The following ZFAT variants were observed in gnomAD, a reference collection of about 807,000 sequenced individuals.
ZFAT encodes zinc finger and AT-hook domain containing.
In ZFAT, 64 loss-of-function variants were observed where a neutral mutation model predicts 117.7. That is an observed-to-expected ratio of 0.54 (90% CI 0.44 to 0.67). The LOEUF is 0.67. Ranked by LOEUF, ZFAT falls within the 30% of genes least tolerant of loss-of-function variation. ZFAT has a pLI of 0.00. For synonymous variants in ZFAT, 679 were observed against 615.0 expected (o/e 1.10, Z -1.54); for missense variants, 1,433 against 1,584.5 (o/e 0.90, Z 1.62).
intron 10 of ZFAT, 184 bp from the exon 11 acceptor site, chr8:134,565,605 AGTG>A: frequency 5.7e-6 from 4 of 707,392 alleles, no homozygotes; most frequent in Non-Finnish European, 1.0e-5. Context: ...AACAGGTGGG[AGTG>A]GAGAGGCACT....
chr8:134,486,920 G>A (rs1817694275), intron 15 of ZFAT, among the ~76,000 whole-genome samples: 1 of 152,154 alleles, frequency 6.6e-6, no homozygotes, highest in Non-Finnish European at 1.5e-5. Context: ...GCAGGAACAT[G>A]GGTGTGCATG....
chr8:134,774,346 T>G, the ZFAT span, among the ~76,000 whole-genome samples: 1 of 152,138 alleles, frequency 6.6e-6, no homozygotes, highest in Non-Finnish European at 1.5e-5. Flanking sequence ...TGGTATCGAG[T>G]GGCATCCTAA....
At chr8:134,699,436 CTG>C (rs1408683181) in intron 1 of ZFAT, among the ~76,000 whole-genome samples, 1 of 152,156 alleles carries the variant, frequency 6.6e-6, no homozygotes. Flanking sequence ...GGAGTGGACT[CTG>C]TGCCATGACT....
chr8:134,787,110 G>A, the ZFAT span, among the ~76,000 whole-genome samples: 1 of 152,206 alleles, frequency 6.6e-6, no homozygotes, highest in East Asian at 1.9e-4. Flanking sequence ...CAGCCTCCCA[G>A]TGCTAGGATT....
At chr8:134,709,254 G>A (rs1273044838) in intron 1 of ZFAT, among the ~76,000 whole-genome samples, 2 of 152,230 alleles carry the variant, frequency 1.3e-5, no homozygotes, top group Admixed American at 1.3e-4. Context: ...AGAAGAGAGT[G>A]GATGACAATG....
the ZFAT span, among the ~76,000 whole-genome samples, chr8:134,789,556 T>A: frequency 6.6e-6 from 1 of 152,222 alleles, no homozygotes; most frequent in Non-Finnish European, 1.5e-5. Flanking sequence ...ATCTTTTGTT[T>A]CTTGCCCATT....
chr8:134,478,440 C>T lies in ZFAT; in HGVS notation c.*42G>A, dbSNP rs1289873733. 1 of 1,536,052 alleles carries T rather than the reference C, an allele frequency of 6.5e-7. No individual in the cohort carries two copies. The highest frequency in any genetic ancestry group is 1.2e-5 in the South Asian group (1 of 83,132). On this transcript the variant is annotated 3_prime_UTR_variant, in exon 16 of 16. Transcript: ENST00000377838. The surrounding 1 kb of genome is among the most constrained non-coding windows in gnomAD (Gnocchi z 5.2). Reference sequence around the variant, plus strand: ...CTCCCCACCCTGGGTGCCTGCAGAGCCTGGCAGCCCCGCCCTGTGGCCATC... The same window carrying T: ...CTCCCCACCCTGGGTGCCTGCAGAGTCTGGCAGCCCCGCCCTGTGGCCATC...
the ZFAT span, among the ~76,000 whole-genome samples, chr8:134,720,516 A>G: frequency 6.6e-6 from 1 of 152,358 alleles, no homozygotes; most frequent in East Asian, 1.9e-4. Flanking sequence ...GAAGAAAAAA[A>G]GAGAAACTTG....
At position 134,478,551 on chromosome 8, in the gene ZFAT, G is replaced by A. The variant is rs575302347; in HGVS notation, c.3663C>T (p.Ile1221=). 8.7e-5 allele frequency: 138 copies of A among 1,594,536 alleles called. No individual in the cohort carries two copies. The South Asian group carries it at 1.2e-3, about 13-fold the overall frequency. The change falls in exon 16 of 16, where the codon ATC becomes ATT. Residue 1221 remains isoleucine (I), a synonymous_variant. Coordinates refer to ENST00000377838, the MANE Select transcript of ZFAT (RefSeq NM_020863.4). The surrounding 1 kb of genome is among the most constrained non-coding windows in gnomAD (Gnocchi z 5.2). ...YTQGGEASEF[I]VYVQEAMQPV... is the part of the protein sequence containing the mutation. ...GCTGCATGGCCTCCTGCACGTAGACGATGAACTCCGAGGCCTCCCCGCCCT... is the reference window on the plus strand; with the variant it reads ...GCTGCATGGCCTCCTGCACGTAGACAATGAACTCCGAGGCCTCCCCGCCCT...
At chr8:134,611,300 A>G (rs1024117804) in intron 3 of ZFAT, among the ~76,000 whole-genome samples, 1 of 152,242 alleles carries the variant, frequency 6.6e-6, no homozygotes, top group Non-Finnish European at 1.5e-5. Context: ...ATGGTCAGGA[A>G]ATACAGGCAA....
the ZFAT span, among the ~76,000 whole-genome samples, chr8:134,746,199 T>C: frequency 6.6e-6 from 1 of 152,230 alleles, no homozygotes; most frequent in African/African-American, 2.4e-5. Flanking sequence ...CATTCAAATG[T>C]TTAACAGCAG....
chr8:134,667,417 C>T (rs907815143), intron 1 of ZFAT, among the ~76,000 whole-genome samples: 5 of 148,508 alleles, frequency 3.4e-5, no homozygotes, highest in African/African-American at 5.0e-5. Flanking sequence ...GGCATGAACC[C>T]GGGAGGTGGA....
the ZFAT span, among the ~76,000 whole-genome samples, chr8:134,818,829 A>C: frequency 2.0e-5 from 3 of 152,218 alleles, no homozygotes; most frequent in African/African-American, 7.2e-5. Flanking sequence ...GCTGGGTGAA[A>C]GTAGCCAGAC....
At position 134,650,422 on chromosome 8, in the gene ZFAT, G is replaced by A. The variant is rs534539998; in HGVS notation, c.196+7139C>T. ...ATTACAGTCGTGAGCCACTGCGCCC[G>A]GCCTAAACCTCTTTTCTTTATAAAT... On this transcript the variant is annotated intron_variant, in intron 2 of 15. Transcript: ENST00000377838. Among the ~76,000 whole-genome samples, 8 of 152,108 alleles carry A rather than the reference G, an allele frequency of 5.3e-5. No individual in the cohort carries two copies. The East Asian group carries it at 5.8e-4, about 11-fold the overall frequency.
At chr8:134,826,376 C>G in the ZFAT span, among the ~76,000 whole-genome samples, 1 of 152,164 alleles carries the variant, frequency 6.6e-6, no homozygotes, top group African/African-American at 2.4e-5. Flanking sequence ...TTTAGAGAAG[C>G]TTGTTTATAA....
intron 3 of ZFAT, among the ~76,000 whole-genome samples, chr8:134,618,891 A>G (rs1440343295): frequency 6.6e-6 from 1 of 152,204 alleles, no homozygotes; most frequent in African/African-American, 2.4e-5. Flanking sequence ...ACAGAGAGAG[A>G]GCCCTGCCCT....
At chr8:134,565,602 G>A (rs1391375251) in intron 10 of ZFAT, 181 bp from the exon 11 acceptor site, 1 of 716,404 alleles carries the variant, frequency 1.4e-6, no homozygotes, top group East Asian at 2.7e-5. Flanking sequence ...TTCAACAGGT[G>A]GGAGTGGAGA....
chr8:134,490,545 C>G (rs940643936), intron 15 of ZFAT, among the ~76,000 whole-genome samples: 2 of 152,228 alleles, frequency 1.3e-5, no homozygotes, highest in Non-Finnish European at 2.9e-5. Flanking sequence ...AAGGAGCTGT[C>G]ACATGAGGGG....
chr8:134,700,906 C>T (rs549206945), intron 1 of ZFAT, among the ~76,000 whole-genome samples: 6 of 152,136 alleles, frequency 3.9e-5, no homozygotes, highest in East Asian at 1.9e-4. Context: ...AGGGTTGTGT[C>T]GCCATCACCA....
Sources: allele counts gnomAD v4.1 joint callset (sites outside exome capture counted in the v4.1 genomes callset), GRCh38; gene constraint gnomAD v4.1.1; non-coding constraint Gnocchi (gnomAD v3.1); transcripts MANE v1.5; gene names NCBI Gene and HGNC (gene_info 2026-07-23, HGNC 2026-07-21).